Variants in ASXL1 observed in about 807,000 individuals in gnomAD.
The protein encoded by ASXL1 is polycomb group protein ASXL1.
A neutral mutation model predicts 89.1 loss-of-function variants in ASXL1; 65 were observed. That is an observed-to-expected ratio of 0.73 (90% CI 0.60 to 0.90). The LOEUF is 0.90. Among genes scored for constraint, ASXL1 ranks in the 40% least tolerant of loss-of-function variants. The probability of loss-of-function intolerance (pLI) is 0.00; values close to 1 mark genes in which losing one functional copy is unlikely to be tolerated. For missense variants in ASXL1, 1,786 were observed against 1,942.9 expected (o/e 0.92, Z 1.52); for synonymous variants, 739 against 746.9 (o/e 0.99, Z 0.17).
At chr20:32,396,544 G>A (rs1471863347) in intron 4 of ASXL1, among the ~76,000 whole-genome samples, 1 of 151,632 alleles carries the variant, frequency 6.6e-6, no homozygotes, top group Admixed American at 6.6e-5. Flanking sequence ...CCTTATATTC[G>A]TAACATTCTT....
chr20:32,422,711 C>T (rs773820758), intron 4 of ASXL1, among the ~76,000 whole-genome samples: 12 of 150,624 alleles, frequency 8.0e-5, no homozygotes, highest in Admixed American at 1.3e-4. Flanking sequence ...CTCAGCCTCC[C>T]GAGTAGCTGG....
Position 32,435,273 on chromosome 20 carries a change from C to G in ASXL1, c.2561C>G (p.Thr854Ser), listed in dbSNP as rs1555912222. 1 of 1,614,164 alleles carries G rather than the reference C, an allele frequency of 6.2e-7. No individual in the cohort carries two copies. Among genetic ancestry groups the G allele is most frequent in the South Asian group, 1.1e-5 (1 of 91,084 alleles). Residue 854 changes from threonine to serine, a missense_variant, in exon 13 of 13, where the codon ACT (threonine) becomes AGT (serine). Around this residue, in one of 3 missense-constraint regions of ASXL1, gnomAD observed 1,418 missense variants for 1,427.8 expected, o/e 0.99. Transcript: ENST00000375687. ...AGTTCCACACCTGAATCCTCACCGA[C>G]TGATTGCCTGCAGAACAGAGCATTT... is the stretch of plus-strand genomic sequence containing the variant. ...TPSSTPESSP[T>S]DCLQNRAFDD...
intron 4 of ASXL1, among the ~76,000 whole-genome samples, chr20:32,406,686 C>CG (rs1600535796): frequency 6.6e-6 from 1 of 152,158 alleles, no homozygotes; most frequent in Non-Finnish European, 1.5e-5. Flanking sequence ...CACTCTCATC[C>CG]CATGGATGAG....
intron 4 of ASXL1, among the ~76,000 whole-genome samples, chr20:32,377,020 G>A (rs566206122): frequency 5.8e-5 from 8 of 136,762 alleles, no homozygotes; most frequent in African/African-American, 2.1e-4. Flanking sequence ...TGGATCACCT[G>A]AGGTCAGGTG....
At chr20:32,377,760 C>G (rs1355870044) in intron 4 of ASXL1, among the ~76,000 whole-genome samples, 4 of 150,930 alleles carry the variant, frequency 2.7e-5, no homozygotes, top group Non-Finnish European at 5.9e-5. Context: ...CCAAGCGATT[C>G]TCTTACCTCA....
intron 4 of ASXL1, among the ~76,000 whole-genome samples, chr20:32,407,405 A>G (rs2048974181): frequency 6.6e-6 from 1 of 152,150 alleles, no homozygotes; most frequent in African/African-American, 2.4e-5. Context: ...CTGGATACAT[A>G]CTGTATCCCG....
At chr20:32,392,134 G>A (rs1268914827) in intron 4 of ASXL1, among the ~76,000 whole-genome samples, 1 of 151,960 alleles carries the variant, frequency 6.6e-6, no homozygotes, top group African/African-American at 2.4e-5. Context: ...TATTTTTAGA[G>A]CCAAGGTCTT....
At chr20:32,425,388 G>A (rs367912383) in intron 4 of ASXL1, among the ~76,000 whole-genome samples, 1 of 152,210 alleles carries the variant, frequency 6.6e-6, no homozygotes, top group African/African-American at 2.4e-5. Flanking sequence ...TGCTGGGTCA[G>A]AGGATGTTTG....
chr20:32,421,763 A>ATG (rs966361233), intron 4 of ASXL1, among the ~76,000 whole-genome samples: 3 of 152,150 alleles, frequency 2.0e-5, no homozygotes, highest in Non-Finnish European at 2.9e-5. Flanking sequence ...ATATATATGT[A>ATG]TGAGTCCATT....
At chr20:32,386,383 GT>G (rs956945218) in intron 4 of ASXL1, among the ~76,000 whole-genome samples, 45 of 147,182 alleles carry the variant, frequency 3.1e-4, no homozygotes, top group Admixed American at 6.8e-4. Flanking sequence ...CAAAGTGTAA[GT>G]TTTTTTTTTT....
At chr20:32,365,146 G>A (rs2048184717) in intron 1 of ASXL1, among the ~76,000 whole-genome samples, 1 of 152,106 alleles carries the variant, frequency 6.6e-6, no homozygotes, top group Admixed American at 6.6e-5. Flanking sequence ...ATAATGAAGG[G>A]GTATAGTCAG....
intron 1 of ASXL1, among the ~76,000 whole-genome samples, chr20:32,361,628 C>T (rs1375364008): frequency 2.4e-5 from 2 of 81,694 alleles, no homozygotes; most frequent in Non-Finnish European, 4.6e-5. Flanking sequence ...GAGCAAGACT[C>T]GTCTCAAAAA....
intron 4 of ASXL1, among the ~76,000 whole-genome samples, chr20:32,396,074 C>T (rs773808348): frequency 6.6e-6 from 1 of 152,180 alleles, no homozygotes; most frequent in Non-Finnish European, 1.5e-5. Flanking sequence ...GCTGGGATTA[C>T]AGGAATGAGC....
intron 4 of ASXL1, among the ~76,000 whole-genome samples, chr20:32,422,936 T>G (rs1348598320): frequency 6.6e-6 from 1 of 152,138 alleles, no homozygotes; most frequent in Admixed American, 6.5e-5. Flanking sequence ...ATTATTAATT[T>G]TTTTAAAAGC....
At chr20:32,416,373 C>T (rs185400407) in intron 4 of ASXL1, among the ~76,000 whole-genome samples, 65 of 152,304 alleles carry the variant, frequency 4.3e-4, no homozygotes, top group African/African-American at 1.4e-3. Flanking sequence ...ATGCCCTTGG[C>T]TTTTATGCCA....
intron 4 of ASXL1, among the ~76,000 whole-genome samples, chr20:32,381,550 T>C (rs1401821764): frequency 6.7e-6 from 1 of 150,052 alleles, no homozygotes; most frequent in Non-Finnish European, 1.5e-5. Flanking sequence ...AGTCTCGCTG[T>C]GTCGCCCAGG....
At chr20:32,397,009 CA>C (rs796579114) in intron 4 of ASXL1, among the ~76,000 whole-genome samples, 2 of 144,362 alleles carry the variant, frequency 1.4e-5, no homozygotes, top group South Asian at 4.2e-4. Flanking sequence ...AAAAAACAAA[CA>C]AAAAAAACTC....
intron 8 of ASXL1, chr20:32,430,645 G>T (rs2011487497): frequency 5.8e-6 from 1 of 173,352 alleles, no homozygotes; most frequent in African/African-American, 2.6e-5. Context: ...GGTTTTTTTT[G>T]TAGATGAAAC....
chr20:32,434,144 G>A, intron 12 of ASXL1: 1 of 741,690 alleles, frequency 1.3e-6, no homozygotes. Context: ...AAAATCCTTT[G>A]GGGTTTTAAA....
Sources: allele counts gnomAD v4.1 joint callset (sites outside exome capture counted in the v4.1 genomes callset), GRCh38; gene constraint gnomAD v4.1.1; regional missense constraint gnomAD v4.1.1; transcripts MANE v1.5; gene names NCBI Gene and HGNC (gene_info 2026-07-23, HGNC 2026-07-21).